Variants in NRG1 observed in about 807,000 individuals in gnomAD.
NRG1 encodes pro-neuregulin-1, membrane-bound isoform.
A neutral mutation model predicts 63.8 loss-of-function variants in NRG1; 18 were observed. That is an observed-to-expected ratio of 0.28 (90% CI 0.19 to 0.42). NRG1 has a LOEUF of 0.42. Among genes scored for constraint, NRG1 ranks in the 10% least tolerant of loss-of-function variants. The pLI is 1.00. For missense variants in NRG1, 762 were observed against 814.7 expected (o/e 0.94, Z 0.79); for synonymous variants, 302 against 301.3 (o/e 1.00, Z -0.02).
intron 1 of NRG1, among the ~76,000 whole-genome samples, chr8:32,330,811 C>T (rs1454664051): frequency 3.3e-5 from 5 of 152,162 alleles, no homozygotes; most frequent in African/African-American, 9.7e-5. Context: ...TTCACAGCGT[C>T]GTTTTCAGTG....
intron 5 of NRG1, among the ~76,000 whole-genome samples, chr8:32,722,707 T>C (rs1185338547): frequency 6.6e-6 from 1 of 152,204 alleles, no homozygotes; most frequent in African/African-American, 2.4e-5. Flanking sequence ...TAAGTAAGTT[T>C]AATTCTTGTA....
chr8:32,515,337 T>G (rs1341604636), intron 1 of NRG1, among the ~76,000 whole-genome samples: 1 of 152,204 alleles, frequency 6.6e-6, no homozygotes, highest in Non-Finnish European at 1.5e-5. Context: ...GGTTTTGAAT[T>G]GCATTTCTTT....
intron 1 of NRG1, among the ~76,000 whole-genome samples, chr8:31,700,551 T>G (rs1300951479): frequency 1.3e-5 from 2 of 152,122 alleles, no homozygotes; most frequent in African/African-American, 4.8e-5. Context: ...TCCTAGATAT[T>G]GAGGCATCTT....
chr8:31,868,146 T>TCACACACACA (rs755924161), intron 1 of NRG1, among the ~76,000 whole-genome samples: 1 of 115,804 alleles, frequency 8.6e-6, no homozygotes, highest in African/African-American at 2.9e-5. Context: ...CACATACATC[T>TCACACACACA]TACACACACA....
chr8:32,115,269 G>A (rs1399454443), intron 1 of NRG1, among the ~76,000 whole-genome samples: 1 of 151,966 alleles, frequency 6.6e-6, no homozygotes, highest in Non-Finnish European at 1.5e-5. Flanking sequence ...GACTTCAGGT[G>A]ATCCACCCGC....
intron 1 of NRG1, among the ~76,000 whole-genome samples, chr8:31,823,064 G>C (rs557936325): frequency 6.6e-6 from 1 of 150,608 alleles, no homozygotes; most frequent in Admixed American, 6.6e-5. Context: ...ATGACCAAAG[G>C]TATGTGTGTG....
intron 1 of NRG1, among the ~76,000 whole-genome samples, chr8:31,992,958 C>G (rs1343142124): frequency 2.0e-5 from 3 of 151,956 alleles, no homozygotes; most frequent in Non-Finnish European, 4.4e-5. Flanking sequence ...GAAATAGATT[C>G]AATTACCCAA....
At chr8:32,677,510 T>G (rs963455346) in intron 5 of NRG1, among the ~76,000 whole-genome samples, 5 of 151,866 alleles carry the variant, frequency 3.3e-5, no homozygotes, top group Non-Finnish European at 7.4e-5. Context: ...TACAAAAAAT[T>G]AGCCAGGCAT....
chr8:32,611,750 A>G (rs74569141), intron 3 of NRG1, among the ~76,000 whole-genome samples: 2,970 of 152,218 alleles, frequency 0.02, 117 homozygotes, highest in African/African-American at 0.065. Context: ...TACAGCAGTG[A>G]CATATAAGTT....
chr8:32,038,698 G>C (rs142332096), intron 1 of NRG1, among the ~76,000 whole-genome samples: 76 of 152,166 alleles, frequency 5.0e-4, no homozygotes, highest in African/African-American at 1.5e-3. Context: ...GAAAGGATGT[G>C]AAATTTGGGA....
At chr8:32,280,699 T>TG (rs1463198061) in intron 1 of NRG1, among the ~76,000 whole-genome samples, 126 of 132,524 alleles carry the variant, frequency 9.5e-4, no homozygotes, top group Middle Eastern at 3.8e-3. Context: ...TTGTTTTTTT[T>TG]TTTTTTTTTT....
chr8:31,843,681 C>T (rs979080556), intron 1 of NRG1, among the ~76,000 whole-genome samples: 5 of 152,144 alleles, frequency 3.3e-5, no homozygotes, highest in Non-Finnish European at 7.3e-5. Flanking sequence ...TAATAAGAAA[C>T]ACTTTAAGCC....
chr8:31,702,702 A>G (rs1248659467), intron 1 of NRG1, among the ~76,000 whole-genome samples: 1 of 152,136 alleles, frequency 6.6e-6, no homozygotes, highest in African/African-American at 2.4e-5. Context: ...AGTATTCAGT[A>G]TTGCAAAAGG....
intron 1 of NRG1, among the ~76,000 whole-genome samples, chr8:32,516,206 C>T (rs1219040335): frequency 2.0e-5 from 3 of 152,018 alleles, no homozygotes; most frequent in Non-Finnish European, 2.9e-5. Context: ...GTCAAAGATC[C>T]GATGGCTGTA....
intron 1 of NRG1, among the ~76,000 whole-genome samples, chr8:32,474,495 CTTTTTTTT>C (rs10707813): frequency 7.6e-6 from 1 of 132,434 alleles, no homozygotes. Context: ...GTGATATTCC[CTTTTTTTT>C]TTTTTTTTTG....
intron 5 of NRG1, chr8:32,647,245 TGCTGCCGCCGCCGCC>T: frequency 1.0e-6 from 1 of 985,338 alleles, no homozygotes; most frequent in Non-Finnish European, 1.2e-6. Context: ...CCGCCGCTGC[TGCTGCCGCCGCCGCC>T]ACCGCCGCTG....
chr8:31,769,654 C>A (rs543643488), intron 1 of NRG1, among the ~76,000 whole-genome samples: 1 of 152,216 alleles, frequency 6.6e-6, no homozygotes, highest in African/African-American at 2.4e-5. Flanking sequence ...GGGGTGCACA[C>A]AAGAGTCTCC....
At chr8:32,413,044 T>G (rs1209596071) in intron 1 of NRG1, among the ~76,000 whole-genome samples, 3 of 152,200 alleles carry the variant, frequency 2.0e-5, no homozygotes, top group Non-Finnish European at 4.4e-5. Context: ...TACCGCGTGC[T>G]CCATCTGTTT....
intron 1 of NRG1, among the ~76,000 whole-genome samples, chr8:31,915,916 A>G (rs150396912): frequency 6.6e-6 from 1 of 152,106 alleles, no homozygotes; most frequent in Non-Finnish European, 1.5e-5. Flanking sequence ...AAGAGTAAAG[A>G]TGTTTTAAAT....
Sources: gnomAD v4.1 joint callset for allele counts (sites outside exome capture counted in the v4.1 genomes callset) on GRCh38, gnomAD v4.1.1 for gene constraint, MANE v1.5 for transcripts, NCBI Gene and HGNC (gene_info 2026-07-23, HGNC 2026-07-21) for gene names.